The following BTBD16 variants were observed in gnomAD, a reference collection of about 807,000 sequenced individuals.
BTBD16 encodes BTB domain containing 16, also known as BTB/POZ domain-containing protein 16.
Under a neutral mutation model 67.4 loss-of-function variants are expected in BTBD16, and 66 were observed. The observed-to-expected ratio is 0.98, with a 90% CI of 0.80 to 1.20. BTBD16 has a LOEUF of 1.20. Among genes scored for constraint, BTBD16 ranks in the 50% most tolerant of loss-of-function variants. BTBD16 has a pLI of 0.00. For missense variants in BTBD16, 634 were observed against 616.0 expected, an observed-to-expected ratio of 1.03 and a Z score of -0.31; for synonymous variants, 242 against 236.4, an observed-to-expected ratio of 1.02 and a Z score of -0.22.
At chr10:122,320,949 G>A (rs2096434391) in intron 10 of BTBD16, among the ~76,000 whole-genome samples, 1 of 152,190 alleles carries the variant, frequency 6.6e-6, no homozygotes, top group East Asian at 1.9e-4. Context: ...AATGGACCCT[G>A]TCACCCAGGT....
At chr10:122,289,022 T>C (rs756366524) in intron 5 of BTBD16, among the ~76,000 whole-genome samples, 3 of 152,156 alleles carry the variant, frequency 2.0e-5, no homozygotes, top group Non-Finnish European at 2.9e-5. Flanking sequence ...GTGGATGGCA[T>C]TGGCTAGCAA....
intron 10 of BTBD16, among the ~76,000 whole-genome samples, chr10:122,316,322 C>T (rs935871755): frequency 1.3e-5 from 2 of 152,008 alleles, no homozygotes; most frequent in East Asian, 1.9e-4. Flanking sequence ...TTGCTCCAGC[C>T]CCACCACCAC....
chr10:122,329,602 G>A (rs41297155), intron 11 of BTBD16, 31 bp downstream of exon 11: 53 of 1,598,954 alleles, frequency 3.3e-5, no homozygotes, highest in African/African-American at 2.5e-4. Flanking sequence ...GCGCATCCAC[G>A]GGAAAGCTGC....
intron 1 of BTBD16, among the ~76,000 whole-genome samples, chr10:122,271,864 T>C (rs1564941198): frequency 6.6e-6 from 1 of 152,176 alleles, no homozygotes; most frequent in Non-Finnish European, 1.5e-5. Flanking sequence ...GAGCTTTGGG[T>C]AGCTGAGTGC....
intron 3 of BTBD16, among the ~76,000 whole-genome samples, chr10:122,282,008 T>C (rs1590049919): frequency 6.6e-6 from 1 of 152,148 alleles, no homozygotes; most frequent in Non-Finnish European, 1.5e-5. Context: ...ACTTTTCCAG[T>C]GATCCTAAAA....
intron 10 of BTBD16, among the ~76,000 whole-genome samples, chr10:122,326,605 C>A (rs974998732): frequency 6.6e-6 from 1 of 152,220 alleles, no homozygotes; most frequent in Non-Finnish European, 1.5e-5. Context: ...AAAGTTGTGG[C>A]GAAGAGCACC....
intron 8 of BTBD16, 125 bp downstream of exon 8, chr10:122,297,962 T>A: frequency 1.2e-6 from 1 of 817,810 alleles, no homozygotes; most frequent in Non-Finnish European, 1.9e-6. Flanking sequence ...ATCAAATATT[T>A]TATTTTGCCA....
chr10:122,337,916 C>G, intron 15 of BTBD16, 101 bp from the exon 16 acceptor site: 1 of 926,780 alleles, frequency 1.1e-6, no homozygotes, highest in Non-Finnish European at 1.7e-6. Context: ...AGTTGAGAGC[C>G]AGCATTTTCT....
chr10:122,273,934 C>T lies in BTBD16; in HGVS notation c.-42-1106C>T, dbSNP rs76361314. Among the ~76,000 whole-genome samples the T allele has an allele frequency of 4.0e-3, 610 of 152,336 alleles. 4 individuals carry two copies. Among genetic ancestry groups the T allele is most frequent in the African/African-American group, 0.012 (479 of 41,582 alleles). On this transcript the variant is annotated intron_variant, in intron 1 of 15. Transcript: ENST00000260723. Reference sequence around the variant, plus strand: ...AATGGAAATTCTATGAGGCAAGGATCGTGTGCATTTTGCTCACTGCTGTCT... The same window carrying T: ...AATGGAAATTCTATGAGGCAAGGATTGTGTGCATTTTGCTCACTGCTGTCT...
At chr10:122,273,458 G>A (rs549846361) in intron 1 of BTBD16, among the ~76,000 whole-genome samples, 53 of 152,082 alleles carry the variant, frequency 3.5e-4, no homozygotes, top group Middle Eastern at 3.4e-3. Flanking sequence ...AATATTATGC[G>A]GCCAGAAACA....
At chr10:122,308,042 T>C (rs371811343) in intron 10 of BTBD16, among the ~76,000 whole-genome samples, 1 of 152,242 alleles carries the variant, frequency 6.6e-6, no homozygotes, top group East Asian at 1.9e-4. Context: ...CCAAATGTTT[T>C]ACCCGCCCTC....
chr10:122,322,384 G>C (rs954673656), intron 10 of BTBD16, among the ~76,000 whole-genome samples: 1 of 152,260 alleles, frequency 6.6e-6, no homozygotes, highest in African/African-American at 2.4e-5. Context: ...GGTCAGGAGT[G>C]GGGGTGGCTT....
rs181551776 is a variant in BTBD16 at position 122,276,921 on chromosome 10, C to G, written c.149C>G (p.Ala50Gly). 1 of 1,613,890 alleles carries G rather than the reference C, an allele frequency of 6.2e-7. No individual in the cohort carries two copies. Residue 50 changes from alanine to glycine, a missense_variant, in exon 3 of 16, where the codon GCT (alanine) becomes GGT (glycine). Physicochemically the swap from Ala to Gly is moderately conservative, Grantham distance 60 (BLOSUM62 0). Transcript: ENST00000260723. ...CKALSIDFEE[A>G]LRNPDRLCIS... ...GCTCTGAGCATAGACTTTGAGGAAG[C>G]TTTGAGGAACCCAGACAGGTATGGA...
At position 122,291,443 on chromosome 10, in the gene BTBD16, G is replaced by A. The variant is rs1307846402; in HGVS notation, c.590+249G>A. 1.9e-5 allele frequency: 8 copies of A among 412,358 alleles called. No homozygotes were observed. The East Asian group carries it at 3.3e-4, about 17-fold the overall frequency. 25.5% of individuals were successfully genotyped at this position (412,358 alleles called of 1,614,324 possible). On this transcript the variant is annotated intron_variant, in intron 7 of 15. Coordinates refer to ENST00000260723, the MANE Select transcript of BTBD16 (RefSeq NM_144587.5). ...ACTCACAGGAATGAAATGCAAATGG[G>A]AGGATTTCTACCACTGGGAGAGACT...
intron 9 of BTBD16, among the ~76,000 whole-genome samples, chr10:122,300,393 G>A (rs1409757511): frequency 6.6e-6 from 1 of 151,766 alleles, no homozygotes; most frequent in Non-Finnish European, 1.5e-5. Flanking sequence ...AAAATATATA[G>A]TTACACCCAG....
At chr10:122,329,361 C>G in intron 10 of BTBD16, 119 bp from the exon 11 acceptor site, 1 of 882,616 alleles carries the variant, frequency 1.1e-6, no homozygotes. Context: ...GGACCGAGGC[C>G]CCATCTCCCC....
intron 9 of BTBD16, among the ~76,000 whole-genome samples, chr10:122,301,437 C>T (rs1304613400): frequency 6.6e-6 from 1 of 152,158 alleles, no homozygotes; most frequent in Non-Finnish European, 1.5e-5. Flanking sequence ...TCCCCAGGAG[C>T]TGTCTGCACA....
intron 10 of BTBD16, among the ~76,000 whole-genome samples, chr10:122,326,484 T>C (rs552286735): frequency 6.6e-6 from 1 of 152,298 alleles, no homozygotes; most frequent in South Asian, 2.1e-4. Flanking sequence ...TGCTGTAGCA[T>C]ATATGTATGT....
At chr10:122,300,359 T>C (rs1474423646) in intron 9 of BTBD16, among the ~76,000 whole-genome samples, 16 of 152,118 alleles carry the variant, frequency 1.1e-4, no homozygotes, top group Admixed American at 9.2e-4. Flanking sequence ...AATATTTGCA[T>C]AGAATATATA....
Sources: gnomAD v4.1 joint callset for allele counts (sites outside exome capture counted in the v4.1 genomes callset) on GRCh38, gnomAD v4.1.1 for gene constraint, MANE v1.5 for transcripts, NCBI Gene and HGNC (gene_info 2026-07-23, HGNC 2026-07-21) for gene names.